The following TRIM40 variants were observed in gnomAD, a reference collection of about 807,000 sequenced individuals.
The protein encoded by TRIM40 is E3 ubiquitin ligase TRIM40.
Under a neutral mutation model 26.1 loss-of-function variants are expected in TRIM40, and 27 were observed. The ratio of observed to expected loss-of-function variants is 1.04; its 90% CI spans 0.76 to 1.43. The LOEUF (loss-of-function observed/expected upper bound fraction) is 1.43, where lower values mean the gene tolerates loss of function less well. Among genes scored for constraint, TRIM40 ranks in the 40% most tolerant of loss-of-function variants. The pLI is 0.00. For missense variants in TRIM40, 289 were observed against 307.9 expected (o/e 0.94, Z 0.46); for synonymous variants, 114 against 120.0 (o/e 0.95, Z 0.33).
At position 30,137,365 on chromosome 6, in the gene TRIM40, C is replaced by T. The variant is rs1427288467; in HGVS notation, c.329C>T (p.Ala110Val). 8.1e-6 allele frequency: 13 copies of T among 1,612,212 alleles called. No homozygotes were observed. Among genetic ancestry groups the T allele is most frequent in the Non-Finnish European group, 1.1e-5 (13 of 1,179,576 alleles). The change falls in exon 2 of 6, where the codon GCC (alanine) becomes GTC (valine). Residue 110 changes from alanine (A) to valine (V), a missense_variant. Ala to Val is a moderately conservative substitution (Grantham distance 64). Transcript: ENST00000396581. Reference sequence around the variant, plus strand: ...CATCATGAACTGACCATTGAAAATGCCCTCAGCCACTACAAGGTAAGCCTG... The same window carrying T: ...CATCATGAACTGACCATTGAAAATGTCCTCAGCCACTACAAGGTAAGCCTG... ...MSHHELTIENALSHYKERLNR... is the reference protein window; with the variant it reads ...MSHHELTIENVLSHYKERLNR...
At chr6:30,141,940 CAAG>C (rs1445226929) in intron 2 of TRIM40, among the ~76,000 whole-genome samples, 5 of 152,038 alleles carry the variant, frequency 3.3e-5, no homozygotes, top group African/African-American at 1.2e-4. Flanking sequence ...AGACAGCAAA[CAAG>C]AAGGTGATGG....
At chr6:30,147,577 A>C in intron 5 of TRIM40, 35 bp downstream of exon 5, 1 of 1,614,204 alleles carries the variant, frequency 6.2e-7, no homozygotes, top group Non-Finnish European at 8.5e-7. Context: ...CCACATGTGC[A>C]TATAAACCCA....
At chr6:30,145,388 T>C (rs1771585347) in intron 2 of TRIM40, among the ~76,000 whole-genome samples, 1 of 152,200 alleles carries the variant, frequency 6.6e-6, no homozygotes, top group Non-Finnish European at 1.5e-5. Context: ...TTGCTTCTCT[T>C]ATAGGTCATC....
chr6:30,147,241 G>A (rs746868610), intron 4 of TRIM40, 32 bp downstream of exon 4: 8 of 1,611,816 alleles, frequency 5.0e-6, no homozygotes, highest in Non-Finnish European at 6.8e-6. Flanking sequence ...CCAAGGGCTG[G>A]GATTCTCCCC....
intron 2 of TRIM40, among the ~76,000 whole-genome samples, chr6:30,143,631 C>A (rs138969664): frequency 0.022 from 3,378 of 151,986 alleles, 57 homozygotes; most frequent in Middle Eastern, 0.069. Context: ...CGACTATTTT[C>A]TAGATTTCAA....
intron 2 of TRIM40, among the ~76,000 whole-genome samples, chr6:30,143,362 G>A (rs1381971293): frequency 6.8e-6 from 1 of 148,018 alleles, no homozygotes; most frequent in East Asian, 2.0e-4. Flanking sequence ...TGTGAGTGAT[G>A]TTGTTTTTAA....
chr6:30,144,269 G>T (rs1180700246), intron 2 of TRIM40, among the ~76,000 whole-genome samples: 1 of 152,112 alleles, frequency 6.6e-6, no homozygotes. Context: ...ATTTCAAGCT[G>T]AATGGCAGGC....
intron 4 of TRIM40, 22 bp downstream of exon 4, chr6:30,147,231 C>T (rs893074964): frequency 6.2e-7 from 1 of 1,613,250 alleles, no homozygotes; most frequent in Non-Finnish European, 8.5e-7. Context: ...GAGGCCTTCC[C>T]CAAGGGCTGG....
intron 5 of TRIM40, 80 bp from the exon 6 acceptor site, chr6:30,147,645 C>T (rs915561476): frequency 4.5e-5 from 72 of 1,607,442 alleles, no homozygotes; most frequent in Non-Finnish European, 5.7e-5. Flanking sequence ...GCTTTTGTAT[C>T]TTGATGCTAC....
At chr6:30,141,601 C>T (rs1771347586) in intron 2 of TRIM40, among the ~76,000 whole-genome samples, 1 of 152,086 alleles carries the variant, frequency 6.6e-6, no homozygotes, top group Non-Finnish European at 1.5e-5. Flanking sequence ...AAGATGGTGG[C>T]AGAGGCATGA....
In TRIM40 at chr6:30,140,298, T is replaced by C. The variant is rs183210322; in HGVS notation, c.345+2917T>C. ...ATGTTTATTGTGGCATGGTTCACAA[T>C]AGCAAAGACTTGGAACCAACCCAAA... On this transcript the variant is annotated intron_variant, in intron 2 of 5. Coordinates refer to ENST00000396581, the MANE Select transcript of TRIM40 (RefSeq NM_001286633.2). Among the ~76,000 whole-genome samples, 1,155 of 152,196 alleles carry C rather than the reference T, an allele frequency of 7.6e-3. 51 individuals carry two copies. The South Asian group carries it at 0.12, about 16-fold the overall frequency.
chr6:30,146,567 C>T (rs536390893), intron 3 of TRIM40, among the ~76,000 whole-genome samples: 11 of 152,256 alleles, frequency 7.2e-5, no homozygotes, highest in Admixed American at 2.0e-4. Flanking sequence ...CTTGCCACCA[C>T]GCCCAGCTAA....
At chr6:30,147,249 C>T (rs1374922362) in intron 4 of TRIM40, 40 bp downstream of exon 4, 12 of 1,609,252 alleles carry the variant, frequency 7.5e-6, no homozygotes, top group Non-Finnish European at 1.0e-5. Flanking sequence ...TGGGATTCTC[C>T]CCGATAGGAG....
In TRIM40 at chr6:30,137,430, G is replaced by A. The variant is rs114670452; in HGVS notation, c.345+49G>A. 2.9e-3 allele frequency: 4,458 copies of A among 1,522,704 alleles called. 47 individuals are homozygous for A. The African/African-American group carries it at 0.033, about 11-fold the overall frequency. The allele number at this position is 1,522,704 out of a possible 1,614,324, so 94.3% of individuals were successfully genotyped here. A position where few individuals can be genotyped will look rare whatever the true frequency, so the allele number is the denominator to read the frequency against. Reference sequence around the variant, plus strand: ...GGCCCTGCCTCCACCTCGCTGAGGTGCTGCATCCTACATGTTCATCATGCC... The same window carrying A: ...GGCCCTGCCTCCACCTCGCTGAGGTACTGCATCCTACATGTTCATCATGCC... On this transcript the variant is annotated intron_variant, in intron 2 of 5. Coordinates refer to ENST00000396581, the MANE Select transcript of TRIM40 (RefSeq NM_001286633.2).
chr6:30,137,689 G>A (rs1771100795), intron 2 of TRIM40, among the ~76,000 whole-genome samples: 1 of 152,184 alleles, frequency 6.6e-6, no homozygotes, highest in African/African-American at 2.4e-5. Context: ...GACTAAAACT[G>A]TGTGAACTCC....
chr6:30,143,431 C>CT (rs9278593), intron 2 of TRIM40, among the ~76,000 whole-genome samples: 18,093 of 116,358 alleles, frequency 0.16, 1,378 homozygotes, highest in East Asian at 0.23. Context: ...GTTAATTTTT[C>CT]TTTTTTTTTT....
chr6:30,139,494 C>T (rs1357978701), intron 2 of TRIM40, among the ~76,000 whole-genome samples: 1 of 152,012 alleles, frequency 6.6e-6, no homozygotes, highest in African/African-American at 2.4e-5. Flanking sequence ...AGGCACCCAC[C>T]ACCAGGCCTA....
intron 2 of TRIM40, among the ~76,000 whole-genome samples, chr6:30,138,979 G>A (rs1208590272): frequency 6.6e-6 from 1 of 152,204 alleles, no homozygotes; most frequent in African/African-American, 2.4e-5. Flanking sequence ...ACAGGAGAGT[G>A]GGGAGGGATT....
At chr6:30,146,702 T>C (rs3815077) in intron 3 of TRIM40, among the ~76,000 whole-genome samples, 11,966 of 152,022 alleles carry the variant, frequency 0.079, 554 homozygotes, top group East Asian at 0.14. Flanking sequence ...TGAGCCACCG[T>C]GCCCGGCCGC....
Sources: allele counts gnomAD v4.1 joint callset (sites outside exome capture counted in the v4.1 genomes callset), GRCh38; gene constraint gnomAD v4.1.1; transcripts MANE v1.5; gene names NCBI Gene and HGNC (gene_info 2026-07-23, HGNC 2026-07-21).